Variants in INTS10 observed in about 807,000 individuals in gnomAD.
INTS10 encodes chromosome 8 open reading frame 35.
A neutral mutation model predicts 94.4 loss-of-function variants in INTS10; 44 were observed. That is an observed-to-expected ratio of 0.47 (90% confidence interval 0.37 to 0.60). The LOEUF (loss-of-function observed/expected upper bound fraction) is 0.60, where lower values mean the gene tolerates loss of function less well. Ranked by LOEUF, INTS10 falls within the 20% of genes least tolerant of loss-of-function variation. INTS10 has a pLI of 0.00. For missense variants in INTS10, 797 were observed against 868.7 expected, an observed-to-expected ratio of 0.92 and a Z score of 1.04; for synonymous variants, 341 against 320.7, an observed-to-expected ratio of 1.06 and a Z score of -0.68.
At position 19,846,003 on chromosome 8, in the gene INTS10, G is replaced by T; in HGVS notation, c.1976+206G>T. ...TCTTAAAACACTTTGCTTAAATTGG[G>T]GTATTTTTGTCACATTTGCAACTTT... On this transcript the variant is annotated intron_variant, in intron 16 of 16. Coordinates refer to ENST00000397977, the MANE Select transcript of INTS10 (RefSeq NM_018142.4). The surrounding 1 kb of genome is among the most constrained non-coding windows in gnomAD (Gnocchi z 4.2). The T allele has an allele frequency of 6.7e-6, 3 of 447,568 alleles. No individual in the cohort carries two copies. The highest frequency in any genetic ancestry group is 8.0e-6 in the Non-Finnish European group (2 of 249,026). The allele number at this position is 447,568 out of a possible 1,614,324, so 27.7% of individuals were successfully genotyped here.
At chr8:19,845,292 G>C (rs28447208) in intron 15 of INTS10, 6,287 of 162,400 alleles carry the variant, frequency 0.039, 447 homozygotes, top group African/African-American at 0.14. Context: ...TAACACCAAA[G>C]AATCCTCCCT....
Position 19,849,256 on chromosome 8 carries a change from A to G in INTS10, c.1977-2393A>G. The stretch of plus-strand genomic sequence containing the variant: ...TGCTGACAGGTACCAAGTGGAATCA[A>G]CGCCCGCTCATAGTGTGCTGTTTGT... On this transcript the variant is annotated intron_variant, in intron 16 of 16. Coordinates refer to ENST00000397977, the MANE Select transcript of INTS10 (RefSeq NM_018142.4). This position sits in a 1 kb window ranked among gnomAD's most constrained non-coding sequence, Gnocchi z 4.6. The G allele has an allele frequency of 7.9e-7, 1 of 1,265,916 alleles. No individual in the cohort carries two copies. The highest frequency in any genetic ancestry group is 1.0e-6 in the Non-Finnish European group (1 of 967,682). The allele number at this position is 1,265,916 out of a possible 1,614,324, so 78.4% of individuals were successfully genotyped here.
In INTS10 at chr8:19,849,113, G is replaced by A; in HGVS notation, c.1977-2536G>A. The A allele has an allele frequency of 1.1e-6, 1 of 887,920 alleles. No individual in the cohort carries two copies. The highest frequency in any genetic ancestry group is 1.6e-6 in the Non-Finnish European group (1 of 622,398). 55.0% of individuals were successfully genotyped at this position (887,920 alleles called of 1,614,324 possible). ...CTGGAGTGTTGTTTTTGCAGTGCAG[G>A]GTGAGTCGGTGTGGGTGTTTGAATG... On this transcript the variant is annotated intron_variant, in intron 16 of 16. Coordinates refer to ENST00000397977, the MANE Select transcript of INTS10 (RefSeq NM_018142.4). The surrounding 1 kb of genome is among the most constrained non-coding windows in gnomAD (Gnocchi z 4.6).
At chr8:19,833,890 C>G (rs2067440811) in intron 12 of INTS10, among the ~76,000 whole-genome samples, 2 of 151,852 alleles carry the variant, frequency 1.3e-5, no homozygotes, top group African/African-American at 4.8e-5. Flanking sequence ...ACCTGTAATC[C>G]CAACTACTTG....
intron 6 of INTS10, 101 bp downstream of exon 6, chr8:19,823,542 C>G: frequency 3.5e-6 from 3 of 859,140 alleles, no homozygotes; most frequent in South Asian, 1.5e-5. Flanking sequence ...TGGATACTTA[C>G]CAGTTTGGGA....
chr8:19,839,730 T>G (rs768413334), intron 13 of INTS10, among the ~76,000 whole-genome samples: 2 of 151,636 alleles, frequency 1.3e-5, no homozygotes, highest in Non-Finnish European at 2.9e-5. Context: ...CCCAACACAG[T>G]TACATATTTG....
chr8:19,842,177 C>G (rs904182607), intron 13 of INTS10, among the ~76,000 whole-genome samples: 1 of 152,084 alleles, frequency 6.6e-6, no homozygotes, highest in Non-Finnish European at 1.5e-5. Flanking sequence ...TGTCAATATC[C>G]TCTGTAAAAG....
intron 13 of INTS10, among the ~76,000 whole-genome samples, chr8:19,841,475 A>T (rs2068119293): frequency 6.6e-6 from 1 of 152,206 alleles, no homozygotes; most frequent in Admixed American, 6.5e-5. Context: ...GGAAGCAATT[A>T]TCCAATCCCC....
chr8:19,845,674 A>G, intron 15 of INTS10, 30 bp from the exon 16 acceptor site: 1 of 1,526,240 alleles, frequency 6.6e-7, no homozygotes, highest in Non-Finnish European at 9.1e-7. Context: ...ACCTTTTTTT[A>G]CATGTGGTTA....
intron 13 of INTS10, among the ~76,000 whole-genome samples, chr8:19,837,885 A>G (rs2128792954): frequency 6.6e-6 from 1 of 152,284 alleles, no homozygotes; most frequent in South Asian, 2.1e-4. Flanking sequence ...AGGTGAACAT[A>G]AATTACCAGT....
chr8:19,834,899 G>A (rs925030441), intron 12 of INTS10, among the ~76,000 whole-genome samples: 2 of 152,074 alleles, frequency 1.3e-5, no homozygotes, highest in Middle Eastern at 3.2e-3. Flanking sequence ...CCTGCTTCCC[G>A]GATCATAGAA....
At position 19,832,019 on chromosome 8, in the gene INTS10, C is replaced by G. The variant is rs1360893789; in HGVS notation, c.1295-9C>G. The G allele has an allele frequency of 1.3e-6, 2 of 1,561,298 alleles. No individual in the cohort carries two copies. The highest frequency in any genetic ancestry group is 2.2e-5 in the South Asian group (2 of 89,984). ...TATTTGGTAAATTTGTTCTTGAATT[C>G]TTACTCAGAATTTACAAGGATTTGC... is the stretch of plus-strand genomic sequence containing the variant. On this transcript the variant is annotated splice_polypyrimidine_tract_variant and intron_variant, in intron 10 of 16. Coordinates refer to ENST00000397977, the MANE Select transcript of INTS10 (RefSeq NM_018142.4).
At chr8:19,830,620 C>G (rs2067155181) in intron 10 of INTS10, 61 bp downstream of exon 10, 2 of 1,458,058 alleles carry the variant, frequency 1.4e-6, no homozygotes, top group Non-Finnish European at 1.9e-6. Context: ...TACGCTACTT[C>G]AAATGTCAGG....
rs1205825676 is a variant in INTS10, at chr8:19,849,509, G to A, written c.1977-2140G>A. 6.6e-6 allele frequency among the ~76,000 whole-genome samples: 1 copy of A among 152,154 alleles called. No homozygotes were observed. Among genetic ancestry groups the A allele is most frequent in the Non-Finnish European group, 1.5e-5 (1 of 68,024 alleles). On this transcript the variant is annotated intron_variant, in intron 16 of 16. Transcript: ENST00000397977. This position sits in a 1 kb window ranked among gnomAD's most constrained non-coding sequence, Gnocchi z 4.6. ...TATATAAATCTGTATTCAATTAAGTGCACATTAGCTTAGGTGCACCATGAT... is the reference window on the plus strand; with the variant it reads ...TATATAAATCTGTATTCAATTAAGTACACATTAGCTTAGGTGCACCATGAT...
chr8:19,839,492 G>A (rs527566312), intron 13 of INTS10, among the ~76,000 whole-genome samples: 2 of 152,184 alleles, frequency 1.3e-5, no homozygotes, highest in South Asian at 4.2e-4. Context: ...TTGAGCCCAG[G>A]AGCCCAAACC....
Position 19,846,822 on chromosome 8 carries a change from A to G in INTS10, c.1976+1025A>G, listed in dbSNP as rs1344311798. Reference sequence around the variant, plus strand: ...ATATATCCTCTCTGCTGTAAATGCCACGTGTAGTTTTATTTTCATACTTCC... The same window carrying G: ...ATATATCCTCTCTGCTGTAAATGCCGCGTGTAGTTTTATTTTCATACTTCC... On this transcript the variant is annotated intron_variant, in intron 16 of 16. Transcript: ENST00000397977. The surrounding 1 kb of genome is among the most constrained non-coding windows in gnomAD (Gnocchi z 4.2). Among the ~76,000 whole-genome samples, 1 of 152,198 alleles carries G rather than the reference A, an allele frequency of 6.6e-6. No individual in the cohort carries two copies. Among genetic ancestry groups the G allele is most frequent in the Non-Finnish European group, 1.5e-5 (1 of 68,038 alleles).
At chr8:19,829,074 A>G (rs1269407701) in intron 9 of INTS10, among the ~76,000 whole-genome samples, 1 of 152,136 alleles carries the variant, frequency 6.6e-6, no homozygotes, top group Non-Finnish European at 1.5e-5. Context: ...GAGCTTGAGG[A>G]TTGGAGCTTT....
At chr8:19,842,815 A>T (rs748183154) in intron 13 of INTS10, 33 bp from the exon 14 acceptor site, 1 of 1,465,908 alleles carries the variant, frequency 6.8e-7, no homozygotes, top group Non-Finnish European at 9.5e-7. Flanking sequence ...TGATAATAAC[A>T]TACATTAACC....
intron 9 of INTS10, 77 bp from the exon 10 acceptor site, chr8:19,830,329 C>A: frequency 7.7e-7 from 1 of 1,292,602 alleles, no homozygotes; most frequent in Non-Finnish European, 1.0e-6. Flanking sequence ...ACGGGCCAAA[C>A]TGGCAGCAAT....
Sources: gnomAD v4.1 joint callset for allele counts (sites outside exome capture counted in the v4.1 genomes callset) on GRCh38, gnomAD v4.1.1 for gene constraint, Gnocchi (gnomAD v3.1) non-coding constraint, MANE v1.5 for transcripts, NCBI Gene and HGNC (gene_info 2026-07-23, HGNC 2026-07-21) for gene names.